LNPK: variants seen among roughly 807,000 people sequenced by gnomAD.
LNPK encodes endoplasmic reticulum junction formation protein lunapark.
LNPK carries 29 observed loss-of-function variants against 55.2 expected under a neutral mutation model. The ratio of observed to expected loss-of-function variants is 0.53; its 90% CI spans 0.39 to 0.72. The LOEUF is 0.72. LNPK is among the 30% of genes least tolerant of loss of function. The pLI is 0.00. For missense variants in LNPK, 467 were observed against 494.8 expected (o/e 0.94, Z 0.53); for synonymous variants, 162 against 168.2 (o/e 0.96, Z 0.29).
chr2:175,994,700 AG>A (rs954304509), intron 2 of LNPK, among the ~76,000 whole-genome samples: 2 of 151,724 alleles, frequency 1.3e-5, no homozygotes, highest in African/African-American at 4.8e-5. Flanking sequence ...TTGTATTTTT[AG>A]TAGAGACGGG....
chr2:175,925,845 G>A lies in LNPK; in HGVS notation c.*4122C>T, dbSNP rs559517700. On this transcript the variant is annotated 3_prime_UTR_variant, in exon 13 of 13. Transcript: ENST00000272748. ...ACGCCTGGCTAATTTTGTATTTTTA[G>A]TAGAGATAGTGTTTCTCCACGTTGG... 2.0e-5 allele frequency: 3 copies of A among 152,124 alleles called. No homozygotes were observed. Among genetic ancestry groups the A allele is most frequent in the African/African-American group, 7.2e-5 (3 of 41,450 alleles). 9.4% of individuals were successfully genotyped at this position (152,124 alleles called of 1,614,324 possible).
chr2:175,974,383 G>T (rs1035207110), intron 5 of LNPK, among the ~76,000 whole-genome samples: 1 of 152,068 alleles, frequency 6.6e-6, no homozygotes, highest in South Asian at 2.1e-4. Flanking sequence ...TGCATCGGTC[G>T]TACAACAGTG....
rs1574809464 is a variant in LNPK at position 175,937,289 on chromosome 2, T to C, written c.1054+55A>G. On this transcript the variant is annotated intron_variant, in intron 12 of 12. Coordinates refer to ENST00000272748, the MANE Select transcript of LNPK (RefSeq NM_030650.3). ...TTTATCTAAAAGCATTATGCTTTTA[T>C]TACTGTTAAATAACACATGTTATTA... The C allele has an allele frequency of 2.0e-6, 3 of 1,501,190 alleles. No individual in the cohort carries two copies. In the African/African-American group the frequency reaches 4.2e-5, roughly 21 times the overall value. The allele number at this position is 1,501,190 out of a possible 1,614,324, so 93.0% of individuals were successfully genotyped here.
At chr2:175,985,379 C>T (rs1425336643) in intron 4 of LNPK, among the ~76,000 whole-genome samples, 1 of 152,092 alleles carries the variant, frequency 6.6e-6, no homozygotes, top group Non-Finnish European at 1.5e-5. Flanking sequence ...GAATAGGCTC[C>T]GTGGATTGAA....
chr2:175,944,168 C>T (rs1202624351), intron 9 of LNPK, among the ~76,000 whole-genome samples: 2 of 151,930 alleles, frequency 1.3e-5, no homozygotes, highest in East Asian at 3.9e-4. Context: ...AAAACAATAC[C>T]ATTTACAATA....
chr2:175,960,737 C>T (rs1191167529), intron 8 of LNPK, among the ~76,000 whole-genome samples: 2 of 151,700 alleles, frequency 1.3e-5, no homozygotes, highest in Non-Finnish European at 2.9e-5. Flanking sequence ...GATAGAGACA[C>T]AAAAAAACCC....
chr2:175,939,699 A>G (rs768524953), intron 9 of LNPK, 42 bp from the exon 10 acceptor site: 14 of 987,110 alleles, frequency 1.4e-5, no homozygotes, highest in Non-Finnish European at 2.1e-5. Flanking sequence ...TATACATGAA[A>G]TACACATAAA....
intron 6 of LNPK, among the ~76,000 whole-genome samples, chr2:175,966,892 A>G (rs1686382631): frequency 6.6e-6 from 1 of 152,232 alleles, no homozygotes; most frequent in South Asian, 2.1e-4. Flanking sequence ...TTAAAAAAAT[A>G]TAATGTAGGA....
intron 4 of LNPK, among the ~76,000 whole-genome samples, chr2:175,983,970 T>G (rs1291586976): frequency 6.7e-6 from 1 of 149,676 alleles, no homozygotes; most frequent in East Asian, 2.0e-4. Context: ...AAAAAAAAAG[T>G]AAGAGAAAAT....
rs765152888 is a variant in LNPK at position 175,960,339 on chromosome 2, C to T, written c.493+4033G>A. ...GCACTCCTCAGCAAATGTAAAAGAA[C>T]AGAAATCACAACAAACTGTCTCTCA... On this transcript the variant is annotated intron_variant, in intron 8 of 12. Coordinates refer to ENST00000272748, the MANE Select transcript of LNPK (RefSeq NM_030650.3). Among the ~76,000 whole-genome samples the T allele has an allele frequency of 1.3e-3, 193 of 152,240 alleles. 2 individuals are homozygous for T. Among genetic ancestry groups the T allele is most frequent in the Non-Finnish European group, 9.6e-4 (65 of 68,004 alleles).
intron 4 of LNPK, among the ~76,000 whole-genome samples, chr2:175,980,990 TTTGA>T (rs990747978): frequency 5.3e-5 from 8 of 151,218 alleles, no homozygotes; most frequent in Non-Finnish European, 8.8e-5. Flanking sequence ...TAAAAAAAAA[TTTGA>T]TTGTACTGGA....
At chr2:175,979,376 T>C (rs1262372482) in intron 5 of LNPK, among the ~76,000 whole-genome samples, 1 of 152,036 alleles carries the variant, frequency 6.6e-6, no homozygotes, top group African/African-American at 2.4e-5. Context: ...CTGGGAAACA[T>C]GGTGAAACCC....
chr2:175,999,865 A>G (rs557371552), intron 1 of LNPK, among the ~76,000 whole-genome samples: 1 of 152,290 alleles, frequency 6.6e-6, no homozygotes, highest in East Asian at 1.9e-4. Flanking sequence ...TCCTGGGTTC[A>G]AGTGATTCTC....
chr2:175,933,731 G>GTTT lies in LNPK; in HGVS notation c.1055-3535_1055-3533dup, dbSNP rs34348423. On this transcript the variant is annotated intron_variant, in intron 12 of 12. Transcript: ENST00000272748. ...AGCAAATCAATTAGACAAGTTAAGG[G>GTTT]TTTTTTTTTTTTTTTTTTGAGACAG... is the stretch of plus-strand genomic sequence containing the variant. Among the ~76,000 whole-genome samples, 757 of 122,080 alleles carry GTTT rather than the reference G, an allele frequency of 6.2e-3. 45 individuals are homozygous for GTTT. Among genetic ancestry groups the GTTT allele is most frequent in the African/African-American group, 0.013 (425 of 31,658 alleles). The allele number at this position is 122,080 out of a possible 152,430, so 80.1% of individuals were successfully genotyped here.
At chr2:175,945,972 T>C (rs1685102991) in intron 9 of LNPK, among the ~76,000 whole-genome samples, 1 of 152,170 alleles carries the variant, frequency 6.6e-6, no homozygotes, top group Non-Finnish European at 1.5e-5. Context: ...ATTGATTCTC[T>C]TCCACAAATA....
intron 8 of LNPK, among the ~76,000 whole-genome samples, chr2:175,959,885 A>G (rs1685916479): frequency 6.8e-6 from 1 of 147,516 alleles, no homozygotes. Flanking sequence ...CAAATGGAAA[A>G]CAAAAAAAAA....
In LNPK at chr2:175,928,120, G is replaced by T. The variant is rs1232021776; in HGVS notation, c.*1847C>A. On this transcript the variant is annotated 3_prime_UTR_variant, in exon 13 of 13. Coordinates refer to ENST00000272748, the MANE Select transcript of LNPK (RefSeq NM_030650.3). ...TCAGTTTCCTATTTCCTTAATCTATGTATTTATATACATACATACAATATA... is the reference window on the plus strand; with the variant it reads ...TCAGTTTCCTATTTCCTTAATCTATTTATTTATATACATACATACAATATA... The T allele has an allele frequency of 6.6e-6, 1 of 152,004 alleles. No individual in the cohort carries two copies. Among genetic ancestry groups the T allele is most frequent in the Admixed American group, 6.6e-5 (1 of 15,258 alleles). The allele number at this position is 152,004 out of a possible 1,614,324, so 9.4% of individuals were successfully genotyped here. A position where few individuals can be genotyped will look rare whatever the true frequency, so the allele number is the denominator to read the frequency against.
At chr2:175,984,092 G>A (rs1687298585) in intron 4 of LNPK, among the ~76,000 whole-genome samples, 1 of 151,660 alleles carries the variant, frequency 6.6e-6, no homozygotes, top group African/African-American at 2.4e-5. Flanking sequence ...CTTTTGCTCT[G>A]CAAAAGACCC....
chr2:175,941,662 G>A (rs575195060), intron 9 of LNPK, among the ~76,000 whole-genome samples: 10 of 151,646 alleles, frequency 6.6e-5, no homozygotes, highest in East Asian at 5.8e-4. Context: ...GTGGTGGCAC[G>A]CGCCTGTAGT....
Sources: gnomAD v4.1 joint callset for allele counts (sites outside exome capture counted in the v4.1 genomes callset) on GRCh38, gnomAD v4.1.1 for gene constraint, MANE v1.5 for transcripts, NCBI Gene and HGNC (gene_info 2026-07-23, HGNC 2026-07-21) for gene names.